RBFOX3: variants seen among roughly 807,000 people sequenced by gnomAD.
RBFOX3 encodes the protein RNA binding fox-1 homolog 3.
Under a neutral mutation model 48.7 loss-of-function variants are expected in RBFOX3, and 17 were observed. The observed-to-expected ratio is 0.35, with a 90% CI of 0.24 to 0.52. The LOEUF (loss-of-function observed/expected upper bound fraction) is 0.52. Among genes scored for constraint, RBFOX3 ranks in the 20% least tolerant of loss-of-function variants. RBFOX3 has a pLI of 0.94. For missense variants in RBFOX3, 382 were observed against 497.5 expected, an observed-to-expected ratio of 0.77 and a Z score of 2.21; for synonymous variants, 212 against 209.5, an observed-to-expected ratio of 1.01 and a Z score of -0.10.
At chr17:79,456,767 G>A (rs1473612460) in intron 2 of RBFOX3, among the ~76,000 whole-genome samples, 1 of 151,906 alleles carries the variant, frequency 6.6e-6, no homozygotes, top group Non-Finnish European at 1.5e-5. Context: ...GCCCACCCTG[G>A]CCCGGCCGGC....
chr17:79,103,673 T>C lies in RBFOX3; in HGVS notation c.414+400A>G, dbSNP rs1045910516. On this transcript the variant is annotated intron_variant, in intron 7 of 14. Coordinates refer to ENST00000693108, the MANE Select transcript of RBFOX3 (RefSeq NM_001350451.2). The surrounding 1 kb of genome is among the most constrained non-coding windows in gnomAD (Gnocchi z 6.1). ...CCATCTCCACCCTCGGAGCCCAGGG[T>C]AGAGGGTCGTGCCTTCCTGGAAGGG... Among the ~76,000 whole-genome samples the C allele has an allele frequency of 2.0e-5, 3 of 151,830 alleles. No individual in the cohort carries two copies. Among genetic ancestry groups the C allele is most frequent in the Non-Finnish European group, 4.4e-5 (3 of 67,918 alleles).
rs2059748152 is a variant in RBFOX3, at chr17:79,221,681, T to C, written c.-34+14085A>G. 2.6e-5 allele frequency among the ~76,000 whole-genome samples: 4 copies of C among 152,290 alleles called. No homozygotes were observed. The South Asian group carries it at 8.3e-4, about 32-fold the overall frequency. ...GACCCACAGAGGTCTTCCCACCCTG[T>C]CACTCCTTCCATGGGGACCTGGCTG... On this transcript the variant is annotated intron_variant, in intron 4 of 14. Transcript: ENST00000693108.
chr17:79,406,909 A>T (rs1333687999), intron 2 of RBFOX3, among the ~76,000 whole-genome samples: 5 of 152,224 alleles, frequency 3.3e-5, no homozygotes, highest in Non-Finnish European at 5.9e-5. Context: ...GCTGAAGTGG[A>T]TCTGCACGGA....
chr17:79,408,113 C>A (rs1420907550), intron 2 of RBFOX3, among the ~76,000 whole-genome samples: 1 of 152,132 alleles, frequency 6.6e-6, no homozygotes, highest in Non-Finnish European at 1.5e-5. Flanking sequence ...GTTCTGTTTG[C>A]TGGTCTGTGA....
the RBFOX3 span, among the ~76,000 whole-genome samples, chr17:79,638,298 G>A: frequency 8.2e-6 from 1 of 121,540 alleles, no homozygotes; most frequent in Admixed American, 9.4e-5. Context: ...TAACAAAACT[G>A]AGTTGGTTTT....
At chr17:79,563,476 C>T (rs1422924825) in intron 1 of RBFOX3, among the ~76,000 whole-genome samples, 1 of 152,234 alleles carries the variant, frequency 6.6e-6, no homozygotes, top group Non-Finnish European at 1.5e-5. Context: ...CTCTGGCCTA[C>T]AGCACATTTG....
intron 1 of RBFOX3, among the ~76,000 whole-genome samples, chr17:79,501,593 T>A (rs1350493875): frequency 1.3e-5 from 2 of 152,238 alleles, no homozygotes; most frequent in Admixed American, 1.3e-4. Flanking sequence ...CCCCTCCCTC[T>A]GAGGAATCCT....
rs184491817 is a variant in RBFOX3, at chr17:79,382,192, C to T, written c.-174-74368G>A. Reference sequence around the variant, plus strand: ...CTGGGGCTCTTGTGCCACCACCCAACGGGAGACGATGGTCACATTCACTGA... The same window carrying T: ...CTGGGGCTCTTGTGCCACCACCCAATGGGAGACGATGGTCACATTCACTGA... On this transcript the variant is annotated intron_variant, in intron 2 of 14. Coordinates refer to ENST00000693108, the MANE Select transcript of RBFOX3 (RefSeq NM_001350451.2). 2.4e-3 allele frequency among the ~76,000 whole-genome samples: 370 copies of T among 152,312 alleles called. 1 individual carries two copies. The highest frequency in any genetic ancestry group is 3.9e-3 in the Non-Finnish European group (265 of 68,012).
At chr17:79,547,317 T>C in intron 1 of RBFOX3, among the ~76,000 whole-genome samples, 1 of 152,010 alleles carries the variant, frequency 6.6e-6, no homozygotes, top group East Asian at 1.9e-4. Flanking sequence ...CGTGGTGGCA[T>C]GGTGGCGCAC....
chr17:79,593,248 C>T (rs2093473756), intron 1 of RBFOX3, among the ~76,000 whole-genome samples: 1 of 152,230 alleles, frequency 6.6e-6, no homozygotes, highest in South Asian at 2.1e-4. Context: ...CCAATCCTTC[C>T]TCCTTCTCCC....
chr17:79,434,019 C>T (rs1393242301), intron 2 of RBFOX3, among the ~76,000 whole-genome samples: 1 of 152,216 alleles, frequency 6.6e-6, no homozygotes, highest in Non-Finnish European at 1.5e-5. Context: ...ACGTCACAGC[C>T]TCCTGGCGCT....
intron 1 of RBFOX3, among the ~76,000 whole-genome samples, chr17:79,506,981 C>G (rs895659451): frequency 2.6e-5 from 4 of 152,204 alleles, no homozygotes; most frequent in Admixed American, 2.6e-4. Flanking sequence ...TGCGGGCTGG[C>G]AAGCATCTGC....
At chr17:79,570,094 TATGG>T (rs2092616027) in intron 1 of RBFOX3, among the ~76,000 whole-genome samples, 2 of 142,736 alleles carry the variant, frequency 1.4e-5, no homozygotes, top group African/African-American at 2.7e-5. Flanking sequence ...ACAGATGGAT[TATGG>T]ATGGATGGAT....
intron 2 of RBFOX3, among the ~76,000 whole-genome samples, chr17:79,398,071 C>A (rs2148350924): frequency 6.6e-6 from 1 of 152,280 alleles, no homozygotes; most frequent in East Asian, 1.9e-4. Flanking sequence ...GAACGAGGCT[C>A]TGGGCGCCTT....
intron 3 of RBFOX3, among the ~76,000 whole-genome samples, chr17:79,258,093 G>A (rs1364309361): frequency 1.3e-5 from 2 of 152,058 alleles, no homozygotes; most frequent in African/African-American, 4.8e-5. Flanking sequence ...TTTGCTTCTT[G>A]ACATTTTCAG....
In RBFOX3 at chr17:79,446,052, G is replaced by C. The variant is rs1488288278; in HGVS notation, c.-175+36402C>G. On this transcript the variant is annotated intron_variant, in intron 2 of 14. Coordinates refer to ENST00000693108, the MANE Select transcript of RBFOX3 (RefSeq NM_001350451.2). ...AGGAACGGCCTCCACATGAGAGAAT[G>C]GTCCCCCGACATGTCAACAGTGCTG... Among the ~76,000 whole-genome samples, 7 of 152,266 alleles carry C rather than the reference G, an allele frequency of 4.6e-5. No homozygotes were observed. The East Asian group carries it at 1.3e-3, about 29-fold the overall frequency.
At chr17:79,506,426 T>C (rs2083133939) in intron 1 of RBFOX3, among the ~76,000 whole-genome samples, 1 of 152,222 alleles carries the variant, frequency 6.6e-6, no homozygotes, top group Non-Finnish European at 1.5e-5. Flanking sequence ...ATCTGTCTGT[T>C]GTGGGGAGCT....
the RBFOX3 span, among the ~76,000 whole-genome samples, chr17:79,657,104 C>G: frequency 6.6e-6 from 1 of 152,058 alleles, no homozygotes; most frequent in African/African-American, 2.4e-5. Flanking sequence ...ACCCTAAGCC[C>G]TTCAATGGCT....
chr17:79,387,398 G>A (rs114519990), intron 2 of RBFOX3, among the ~76,000 whole-genome samples: 4,335 of 152,264 alleles, frequency 0.028, 197 homozygotes, highest in African/African-American at 0.098. Context: ...CACACTCTGG[G>A]GAACACTCAT....
Sources: gnomAD v4.1 joint callset for allele counts (sites outside exome capture counted in the v4.1 genomes callset) on GRCh38, gnomAD v4.1.1 for gene constraint, Gnocchi (gnomAD v3.1) non-coding constraint, MANE v1.5 for transcripts, NCBI Gene and HGNC (gene_info 2026-07-23, HGNC 2026-07-21) for gene names.